TRPM8: variants seen among roughly 807,000 people sequenced by gnomAD.
The protein encoded by TRPM8 is transient receptor potential cation channel subfamily M member 8, also known as TRPM8 cationic channel.
A neutral mutation model predicts 133.7 loss-of-function variants in TRPM8; 110 were observed. The observed-to-expected ratio is 0.82, with a 90% CI of 0.70 to 0.96. The LOEUF is 0.96. Among genes scored for constraint, TRPM8 ranks in the 40% least tolerant of loss-of-function variants. The pLI is 0.00. For missense variants in TRPM8, 1,291 were observed against 1,379.5 expected, an observed-to-expected ratio of 0.94 and a Z score of 1.02; for synonymous variants, 535 against 532.3, an observed-to-expected ratio of 1.01 and a Z score of -0.07.
chr2:233,982,010 T>C, intron 19 of TRPM8, 95 bp downstream of exon 19: 1 of 1,320,994 alleles, frequency 7.6e-7, no homozygotes, highest in Non-Finnish European at 1.0e-6. Context: ...AGAACGACTG[T>C]TGCATTTCAC....
intron 9 of TRPM8, among the ~76,000 whole-genome samples, chr2:233,951,653 T>C (rs370868651): frequency 5.9e-5 from 9 of 152,190 alleles, no homozygotes; most frequent in African/African-American, 2.2e-4. Flanking sequence ...ATATTATCCT[T>C]TCTGCAATTC....
intron 23 of TRPM8, 84 bp from the exon 24 acceptor site, chr2:234,007,980 TAATTTA>T: frequency 7.9e-7 from 1 of 1,261,672 alleles, no homozygotes; most frequent in Non-Finnish European, 1.1e-6. Flanking sequence ...TTCTGTACTT[TAATTTA>T]AAAGACTGCA....
intron 21 of TRPM8, among the ~76,000 whole-genome samples, chr2:233,986,566 C>T (rs576775804): frequency 6.6e-6 from 1 of 152,270 alleles, no homozygotes; most frequent in Non-Finnish European, 1.5e-5. Flanking sequence ...AATTAACCAA[C>T]ACATATGCAC....
chr2:233,975,633 C>T (rs1460992069), intron 17 of TRPM8, among the ~76,000 whole-genome samples: 2 of 152,218 alleles, frequency 1.3e-5, no homozygotes, highest in Non-Finnish European at 2.9e-5. Context: ...GCAATCCCAG[C>T]ACTGTGGGAG....
chr2:233,931,218 G>A (rs1273403935), intron 3 of TRPM8, among the ~76,000 whole-genome samples: 2 of 152,204 alleles, frequency 1.3e-5, no homozygotes, highest in Non-Finnish European at 2.9e-5. Flanking sequence ...TACAAAAGCA[G>A]GCTTCACCAG....
intron 22 of TRPM8, among the ~76,000 whole-genome samples, chr2:234,002,609 G>A (rs1012701510): frequency 2.0e-5 from 3 of 152,156 alleles, no homozygotes; most frequent in African/African-American, 7.2e-5. Flanking sequence ...TGTGATTTGG[G>A]GAATATGTTG....
At chr2:233,987,972 C>CTT (rs58639039) in intron 21 of TRPM8, among the ~76,000 whole-genome samples, 11,375 of 140,810 alleles carry the variant, frequency 0.081, 501 homozygotes, top group East Asian at 0.13. Flanking sequence ...CATTAAACCT[C>CTT]TTTTTTTTTT....
At chr2:233,987,223 A>G (rs1331123390) in intron 21 of TRPM8, among the ~76,000 whole-genome samples, 1 of 152,230 alleles carries the variant, frequency 6.6e-6, no homozygotes, top group Admixed American at 6.5e-5. Context: ...CTTAAAAGAC[A>G]AAGTTTGATC....
intron 12 of TRPM8, among the ~76,000 whole-genome samples, chr2:233,962,493 C>G (rs1273133119): frequency 6.6e-6 from 1 of 152,182 alleles, no homozygotes; most frequent in Non-Finnish European, 1.5e-5. Flanking sequence ...AAATAAACGA[C>G]TTGCCTCAAA....
intron 1 of TRPM8, among the ~76,000 whole-genome samples, chr2:233,921,236 G>A (rs1335077991): frequency 2.0e-5 from 3 of 152,050 alleles, no homozygotes; most frequent in Non-Finnish European, 4.4e-5. Flanking sequence ...CAGTAGATTC[G>A]TATAACTACT....
At chr2:233,967,720 G>A (rs529189098) in intron 15 of TRPM8, among the ~76,000 whole-genome samples, 8 of 152,294 alleles carry the variant, frequency 5.3e-5, no homozygotes, top group East Asian at 1.9e-4. Flanking sequence ...AGGAGCATGC[G>A]GAGAGCGTCT....
chr2:233,976,218 C>A (rs1045312754), intron 17 of TRPM8, among the ~76,000 whole-genome samples: 3 of 152,208 alleles, frequency 2.0e-5, no homozygotes. Context: ...CATCGGCAAG[C>A]AGCACTAAGT....
At chr2:233,947,975 G>A (rs183144734) in intron 8 of TRPM8, among the ~76,000 whole-genome samples, 24 of 152,194 alleles carry the variant, frequency 1.6e-4, no homozygotes, top group Admixed American at 2.0e-4. Flanking sequence ...AGTAAGTATT[G>A]TAAACAATTT....
At chr2:233,926,887 T>C (rs1335296066) in intron 2 of TRPM8, among the ~76,000 whole-genome samples, 3 of 152,172 alleles carry the variant, frequency 2.0e-5, no homozygotes, top group East Asian at 1.9e-4. Flanking sequence ...GTTCTTGTAA[T>C]GGCCTCCTAG....
intron 11 of TRPM8, among the ~76,000 whole-genome samples, chr2:233,955,618 A>C (rs1211116027): frequency 6.6e-6 from 1 of 152,160 alleles, no homozygotes; most frequent in Admixed American, 6.5e-5. Flanking sequence ...TAGCTCAACT[A>C]TAAATCCAGA....
Position 233,942,704 on chromosome 2 carries a change from A to G in TRPM8, c.655A>G (p.Met219Val), listed in dbSNP as rs769781772. The G allele has an allele frequency of 1.2e-6, 2 of 1,614,198 alleles. No homozygotes were observed. The highest frequency in any genetic ancestry group is 1.1e-5 in the South Asian group (1 of 91,082). The change falls in exon 6 of 26, where the codon ATG (methionine) becomes GTG (valine). Residue 219 changes from methionine to valine, a missense_variant. Physicochemically the swap from Met to Val is conservative, Grantham distance 21. This residue lies in a region of TRPM8 where 963 missense variants were observed against 968.9 expected (regional missense o/e 0.99). Transcript: ENST00000324695. ...IVAIGIAAWG[M>V]VSNRDTLIRN... ...GGCCATTGGCATAGCAGCTTGGGGC[A>G]TGGTCTCCAACCGGGACACCCTCAT...
intron 18 of TRPM8, 79 bp downstream of exon 18, chr2:233,980,358 CCCAAGGGAAGT>C: frequency 1.1e-6 from 1 of 939,266 alleles, no homozygotes; most frequent in Non-Finnish European, 1.6e-6. Context: ...ACATTTCAAA[CCCAAGGGAAGT>C]CTATTACTCA....
chr2:233,930,098 T>G (rs1033958890), intron 2 of TRPM8, among the ~76,000 whole-genome samples: 1 of 152,350 alleles, frequency 6.6e-6, no homozygotes, highest in African/African-American at 2.4e-5. Flanking sequence ...TTCTTCCACT[T>G]TGAGGAGTGT....
chr2:233,977,345 G>T (rs1691895805), intron 17 of TRPM8, among the ~76,000 whole-genome samples: 1 of 152,184 alleles, frequency 6.6e-6, no homozygotes, highest in Admixed American at 6.5e-5. Flanking sequence ...CTTATCCCAG[G>T]CATTCTGCTC....
Sources: allele counts gnomAD v4.1 joint callset (sites outside exome capture counted in the v4.1 genomes callset), GRCh38; gene constraint gnomAD v4.1.1; regional missense constraint gnomAD v4.1.1; transcripts MANE v1.5; gene names NCBI Gene and HGNC (gene_info 2026-07-23, HGNC 2026-07-21).